SKAP2: variants seen among roughly 807,000 people sequenced by gnomAD.
The protein encoded by SKAP2 is src kinase associated phosphoprotein 2, also known as src kinase-associated phosphoprotein 2.
Under a neutral mutation model 54.9 loss-of-function variants are expected in SKAP2, and 28 were observed. The observed-to-expected ratio is 0.51, with a 90% CI of 0.38 to 0.70. The LOEUF (loss-of-function observed/expected upper bound fraction) is 0.70, where lower values mean the gene tolerates loss of function less well. Ranked by LOEUF, SKAP2 falls within the 30% of genes least tolerant of loss-of-function variation. The probability of loss-of-function intolerance (pLI) is 0.00; values close to 1 mark genes in which losing one functional copy is unlikely to be tolerated. For missense variants in SKAP2, 356 were observed against 424.1 expected (o/e 0.84, Z 1.41); for synonymous variants, 137 against 134.3 (o/e 1.02, Z -0.14).
At chr7:26,767,969 T>G (rs10232697) in intron 4 of SKAP2, among the ~76,000 whole-genome samples, 57,940 of 152,038 alleles carry the variant, frequency 0.38, 11,618 homozygotes, top group Middle Eastern at 0.48. Flanking sequence ...TATAGATGTC[T>G]TATTAGGTCC....
At chr7:26,782,507 C>T (rs146206133) in intron 4 of SKAP2, among the ~76,000 whole-genome samples, 156 of 152,200 alleles carry the variant, frequency 1.0e-3, no homozygotes, top group Non-Finnish European at 1.5e-3. Context: ...AAACCTAACC[C>T]CCAAGGTTGA....
chr7:26,739,976 TGGGG>T lies in SKAP2; in HGVS notation c.308-16_308-13del. ...AGGAAACTGGGCTCCTATGAGAAGT[TGGGG>T]AGAGAAAAAAAAAAGCAGTGGGTAA... On this transcript the variant is annotated splice_polypyrimidine_tract_variant and intron_variant, in intron 4 of 12. Coordinates refer to ENST00000345317, the MANE Select transcript of SKAP2 (RefSeq NM_003930.5). The T allele has an allele frequency of 6.3e-7, 1 of 1,577,512 alleles. No homozygotes were observed. Among genetic ancestry groups the T allele is most frequent in the Non-Finnish European group, 8.6e-7 (1 of 1,159,690 alleles).
At chr7:26,711,012 C>A (rs1031095800) in intron 9 of SKAP2, among the ~76,000 whole-genome samples, 4 of 152,034 alleles carry the variant, frequency 2.6e-5, no homozygotes, top group African/African-American at 9.7e-5. Flanking sequence ...CTGTATTATG[C>A]CCAATAAATA....
rs751674814 is a variant in SKAP2 at position 26,726,950 on chromosome 7, T to C, written c.526A>G (p.Thr176Ala). Residue 176 changes from threonine to alanine, a missense_variant, in exon 7 of 13, where the codon ACT (threonine) becomes GCT (alanine). Transcript: ENST00000345317. ...IDGYSVRMNN[T>A]LRKDGKKDCC... The stretch of plus-strand genomic sequence containing the variant: ...TCTTTCTTTCCATCCTTTCTTAGAG[T>C]GTTATTCATTCTGACACTGTAGCCA... 1.2e-6 allele frequency: 2 copies of C among 1,609,984 alleles called. No homozygotes were observed. Among genetic ancestry groups the C allele is most frequent in the East Asian group, 2.2e-5 (1 of 44,606 alleles).
At chr7:26,697,979 G>A (rs942571504) in intron 9 of SKAP2, among the ~76,000 whole-genome samples, 1 of 151,710 alleles carries the variant, frequency 6.6e-6, no homozygotes, top group African/African-American at 2.4e-5. Flanking sequence ...AGATTTTTTT[G>A]GCTTGCTTTA....
At chr7:26,825,868 C>A (rs916571439) in intron 4 of SKAP2, among the ~76,000 whole-genome samples, 1 of 152,078 alleles carries the variant, frequency 6.6e-6, no homozygotes, top group Non-Finnish European at 1.5e-5. Context: ...TTATCTATCC[C>A]AGCCTTTTAT....
chr7:26,829,810 A>G (rs1183486059), intron 4 of SKAP2, among the ~76,000 whole-genome samples: 1 of 152,234 alleles, frequency 6.6e-6, no homozygotes, highest in African/African-American at 2.4e-5. Context: ...GCTGGAACAT[A>G]AAATGGTGCA....
chr7:26,816,655 T>G (rs1433149521), intron 4 of SKAP2, among the ~76,000 whole-genome samples: 4 of 152,086 alleles, frequency 2.6e-5, no homozygotes, highest in Non-Finnish European at 5.9e-5. Flanking sequence ...GTAATTACAC[T>G]AAGAGATGGC....
chr7:26,699,754 T>C (rs1373010635), intron 9 of SKAP2, among the ~76,000 whole-genome samples: 2 of 152,184 alleles, frequency 1.3e-5, no homozygotes, highest in East Asian at 3.8e-4. Flanking sequence ...AGTTTAAGAA[T>C]GGCTACCCTG....
intron 4 of SKAP2, among the ~76,000 whole-genome samples, chr7:26,794,392 G>A (rs1237095885): frequency 1.3e-5 from 2 of 152,220 alleles, no homozygotes; most frequent in Admixed American, 1.3e-4. Context: ...GGGAATCTGG[G>A]AGTGACCAAT....
At chr7:26,673,077 G>T (rs1007998240) in intron 11 of SKAP2, among the ~76,000 whole-genome samples, 3 of 151,900 alleles carry the variant, frequency 2.0e-5, no homozygotes, top group Non-Finnish European at 2.9e-5. Flanking sequence ...GTCACAAGTG[G>T]ATCATTTAAA....
In SKAP2 at chr7:26,737,034, C is replaced by T. The variant is rs113528120; in HGVS notation, c.469+1761G>A. On this transcript the variant is annotated intron_variant, in intron 6 of 12. Transcript: ENST00000345317. ...GGGGAAACTCTTGCTAATCTTTGAC[C>T]TAACCATTGTTATATGCCAGTCAGG... Among the ~76,000 whole-genome samples the T allele has an allele frequency of 4.9e-4, 75 of 152,174 alleles. 1 individual carries two copies. The highest frequency in any genetic ancestry group is 1.8e-3 in the African/African-American group (74 of 41,526).
chr7:26,832,109 T>G (rs550675838), intron 4 of SKAP2, among the ~76,000 whole-genome samples: 4 of 152,344 alleles, frequency 2.6e-5, no homozygotes, highest in African/African-American at 9.6e-5. Context: ...CTGACACCAG[T>G]TGGCAATAGC....
At chr7:26,714,428 A>G (rs1341020987) in intron 9 of SKAP2, among the ~76,000 whole-genome samples, 1 of 152,262 alleles carries the variant, frequency 6.6e-6, no homozygotes, top group South Asian at 2.1e-4. Flanking sequence ...GAAAACATCT[A>G]TAAACGAATG....
chr7:26,661,223 T>C, the SKAP2 span, among the ~76,000 whole-genome samples: 5 of 152,086 alleles, frequency 3.3e-5, no homozygotes, highest in Admixed American at 6.6e-5. Flanking sequence ...AGGTTCTGGT[T>C]TGCCCTCATT....
chr7:26,821,084 A>G (rs940453616), intron 4 of SKAP2, among the ~76,000 whole-genome samples: 1 of 151,720 alleles, frequency 6.6e-6, no homozygotes, highest in Non-Finnish European at 1.5e-5. Flanking sequence ...CAACAGTACT[A>G]TTTACTCATG....
chr7:26,793,353 T>C (rs1783708019), intron 4 of SKAP2, among the ~76,000 whole-genome samples: 1 of 152,196 alleles, frequency 6.6e-6, no homozygotes, highest in South Asian at 2.1e-4. Flanking sequence ...AAATCTTAAC[T>C]GAAGTATCCT....
At chr7:26,826,678 A>G (rs1213763943) in intron 4 of SKAP2, among the ~76,000 whole-genome samples, 1 of 152,102 alleles carries the variant, frequency 6.6e-6, no homozygotes, top group Non-Finnish European at 1.5e-5. Context: ...TTCTCCTTCT[A>G]TATTTCTTGT....
At chr7:26,736,785 A>G (rs1271338946) in intron 6 of SKAP2, among the ~76,000 whole-genome samples, 2 of 152,132 alleles carry the variant, frequency 1.3e-5, no homozygotes, top group Non-Finnish European at 2.9e-5. Flanking sequence ...TGTTACTACC[A>G]TTAGGTCTCA....
Sources: allele counts gnomAD v4.1 joint callset (sites outside exome capture counted in the v4.1 genomes callset), GRCh38; gene constraint gnomAD v4.1.1; transcripts MANE v1.5; gene names NCBI Gene and HGNC (gene_info 2026-07-23, HGNC 2026-07-21).